Variants in USP32 observed in about 807,000 individuals in gnomAD.
USP32 encodes the protein ubiquitin specific peptidase 32, also known as ubiquitin carboxyl-terminal hydrolase 32.
Under a neutral mutation model 204.8 loss-of-function variants are expected in USP32, and 59 were observed. The ratio of observed to expected loss-of-function variants is 0.29; its 90% CI spans 0.23 to 0.36. The LOEUF is 0.36. USP32 is among the 10% of genes least tolerant of loss of function. The probability of loss-of-function intolerance (pLI) is 1.00; values close to 1 mark genes in which losing one functional copy is unlikely to be tolerated. For missense variants in USP32, 1,160 were observed against 1,946.4 expected, an observed-to-expected ratio of 0.60 and a Z score of 7.60; for synonymous variants, 517 against 678.4, an observed-to-expected ratio of 0.76 and a Z score of 3.70.
At chr17:60,391,753 C>T in intron 1 of USP32, 129 bp downstream of exon 1, 1 of 1,019,064 alleles carries the variant, frequency 9.8e-7, no homozygotes, top group Non-Finnish European at 1.4e-6. Context: ...CTCCCCAAGG[C>T]CGGCCGCCTT....
At chr17:60,415,596 C>A (rs1409293400) in intron 1 of USP32, among the ~76,000 whole-genome samples, 1 of 152,100 alleles carries the variant, frequency 6.6e-6, no homozygotes, top group African/African-American at 2.4e-5. Flanking sequence ...TCCCTTAAGC[C>A]CATTGGTGGA....
intron 1 of USP32, among the ~76,000 whole-genome samples, chr17:60,405,234 G>T (rs955842381): frequency 6.6e-6 from 1 of 151,966 alleles, no homozygotes; most frequent in African/African-American, 2.4e-5. Context: ...ACAGAGTTTC[G>T]CTCTGTCACC....
chr17:60,293,485 T>C (rs1170213224), intron 4 of USP32, among the ~76,000 whole-genome samples: 1 of 152,132 alleles, frequency 6.6e-6, no homozygotes, highest in Non-Finnish European at 1.5e-5. Context: ...TCACAGCAAC[T>C]TCCAGTCAAT....
At chr17:60,298,184 G>T (rs1004167051) in intron 3 of USP32, among the ~76,000 whole-genome samples, 5 of 152,166 alleles carry the variant, frequency 3.3e-5, no homozygotes, top group African/African-American at 1.2e-4. Context: ...CAGTATGCAT[G>T]TGTCAGGAAC....
intron 2 of USP32, among the ~76,000 whole-genome samples, chr17:60,310,453 C>A (rs945500245): frequency 6.6e-6 from 1 of 152,114 alleles, no homozygotes; most frequent in African/African-American, 2.4e-5. Flanking sequence ...GTAATCCCAG[C>A]ACTTTGGGAG....
Position 60,252,369 on chromosome 17 carries a change from CT to C in USP32, c.1136+11del. On this transcript the variant is annotated intron_variant, in intron 11 of 33. Transcript: ENST00000300896. ...TGAAATTTCAACTATATAATTGAAA[CT>C]ACAAATTTACCTAATAATTTGTCCT... 1 of 1,602,904 alleles carries C rather than the reference CT, an allele frequency of 6.2e-7. No homozygotes were observed. The highest frequency in any genetic ancestry group is 8.5e-7 in the Non-Finnish European group (1 of 1,173,066).
intron 2 of USP32, among the ~76,000 whole-genome samples, chr17:60,339,460 G>A (rs932770351): frequency 6.6e-6 from 1 of 151,468 alleles, no homozygotes; most frequent in Non-Finnish European, 1.5e-5. Flanking sequence ...GTGGGCACCT[G>A]CAATCCCAGC....
At chr17:60,201,305 T>C (rs1249665458) in intron 26 of USP32, among the ~76,000 whole-genome samples, 2 of 152,172 alleles carry the variant, frequency 1.3e-5, no homozygotes, top group African/African-American at 2.4e-5. Context: ...CTTCTACAAC[T>C]AATGGACATG....
chr17:60,371,250 A>C (rs2089433631), intron 1 of USP32, among the ~76,000 whole-genome samples: 1 of 145,414 alleles, frequency 6.9e-6, no homozygotes, highest in East Asian at 2.0e-4. Context: ...TGTCTCTAAA[A>C]ATTAAAAAAA....
chr17:60,288,873 A>T (rs566304967), intron 4 of USP32, among the ~76,000 whole-genome samples, 191 bp from the exon 5 acceptor site: 1 of 152,248 alleles, frequency 6.6e-6, no homozygotes, highest in African/African-American at 2.4e-5. Context: ...CTTGTGCTTC[A>T]TAACTTCTAC....
chr17:60,286,963 C>T (rs189397474), intron 5 of USP32, among the ~76,000 whole-genome samples: 1 of 152,250 alleles, frequency 6.6e-6, no homozygotes, highest in African/African-American at 2.4e-5. Flanking sequence ...GCCTGGCCAA[C>T]ATGGTGAAAC....
At chr17:60,315,840 T>C (rs1029920435) in intron 2 of USP32, 3 of 155,144 alleles carry the variant, frequency 1.9e-5, no homozygotes, top group Admixed American at 6.5e-5. Context: ...GCATGGCCTG[T>C]ACAAAACAGA....
At chr17:60,292,027 C>G (rs545520588) in intron 4 of USP32, among the ~76,000 whole-genome samples, 2 of 151,864 alleles carry the variant, frequency 1.3e-5, no homozygotes, top group East Asian at 3.9e-4. Context: ...CACCAATGAC[C>G]TACCTGCAGA....
chr17:60,245,434 T>A, intron 11 of USP32: 1 of 368,790 alleles, frequency 2.7e-6, no homozygotes, highest in South Asian at 2.5e-5. Flanking sequence ...CACTTCCAGC[T>A]CCTTGACATT....
rs566470836 is a variant in USP32 at position 60,220,792 on chromosome 17, C to T, written c.1750-1005G>A. On this transcript the variant is annotated intron_variant, in intron 15 of 33. Transcript: ENST00000300896. Reference sequence around the variant, plus strand: ...CCAAGTAGCTGGGAATACAGGAGCCCGCCACCACGCCTGGCTAATTTTGTT... The same window carrying T: ...CCAAGTAGCTGGGAATACAGGAGCCTGCCACCACGCCTGGCTAATTTTGTT... Among the ~76,000 whole-genome samples the T allele has an allele frequency of 5.3e-4, 81 of 152,034 alleles. No individual in the cohort carries two copies. The South Asian group carries it at 9.6e-3, about 18-fold the overall frequency.
rs1453160554 is a variant in USP32 at position 60,336,480 on chromosome 17, C to A, written c.186+9001G>T. On this transcript the variant is annotated intron_variant, in intron 2 of 33. Transcript: ENST00000300896. ...CCTGTAATCCCAGCACTTTGGGAGG[C>A]CGAGGCGGGCGGATCACGAGGTCAA... 3.5e-5 allele frequency among the ~76,000 whole-genome samples: 5 copies of A among 141,808 alleles called. 1 individual carries two copies. Among genetic ancestry groups the A allele is most frequent in the African/African-American group, 1.5e-4 (5 of 32,698 alleles). 93.0% of individuals were successfully genotyped at this position (141,808 alleles called of 152,430 possible). A position where few individuals can be genotyped will look rare whatever the true frequency, so the allele number is the denominator to read the frequency against.
chr17:60,335,231 A>ATC (rs2088488258), intron 2 of USP32, among the ~76,000 whole-genome samples: 1 of 142,364 alleles, frequency 7.0e-6, no homozygotes, highest in Non-Finnish European at 1.5e-5. Context: ...GATTCCGAAA[A>ATC]GTGGTGGGAT....
chr17:60,234,599 A>G (rs1391889913), intron 12 of USP32, among the ~76,000 whole-genome samples: 3 of 151,506 alleles, frequency 2.0e-5, no homozygotes, highest in African/African-American at 4.8e-5. Context: ...GCGTGGTGGC[A>G]CGTGCCTGTA....
chr17:60,364,656 G>A (rs2089279150), intron 1 of USP32, among the ~76,000 whole-genome samples: 1 of 152,132 alleles, frequency 6.6e-6, no homozygotes, highest in South Asian at 2.1e-4. Context: ...GATTATGGGC[G>A]AGAGCCACCA....
Sources: gnomAD v4.1 joint callset for allele counts (sites outside exome capture counted in the v4.1 genomes callset) on GRCh38, gnomAD v4.1.1 for gene constraint, MANE v1.5 for transcripts, NCBI Gene and HGNC (gene_info 2026-07-23, HGNC 2026-07-21) for gene names.